Variants in PTPN14 observed in about 807,000 individuals in gnomAD.
The protein encoded by PTPN14 is protein tyrosine phosphatase non-receptor type 14, also known as tyrosine-protein phosphatase non-receptor type 14.
Under a neutral mutation model 126.8 loss-of-function variants are expected in PTPN14, and 53 were observed. The observed-to-expected ratio is 0.42, with a 90% CI of 0.34 to 0.53. The LOEUF is 0.53. Ranked by LOEUF, PTPN14 falls within the 20% of genes least tolerant of loss-of-function variation. The probability of loss-of-function intolerance (pLI) is 0.08; values close to 1 mark genes in which losing one functional copy is unlikely to be tolerated. For missense variants in PTPN14, 1,257 were observed against 1,552.9 expected, an observed-to-expected ratio of 0.81 and a Z score of 3.20; for synonymous variants, 630 against 599.3, an observed-to-expected ratio of 1.05 and a Z score of -0.75.
chr1:214,495,098 T>C (rs1320510838), intron 1 of PTPN14, among the ~76,000 whole-genome samples: 1 of 152,164 alleles, frequency 6.6e-6, no homozygotes, highest in Admixed American at 6.5e-5. Context: ...CTCATTAAGG[T>C]GAAAAAATCT....
rs374045825 is a variant in PTPN14, at chr1:214,383,611, G to C, written c.2244C>G (p.Pro748=). The change falls in exon 13 of 19, where the codon CCC becomes CCG. Residue 748 remains proline, a synonymous_variant. Coordinates refer to ENST00000366956, the MANE Select transcript of PTPN14 (RefSeq NM_005401.5). This position sits in a 1 kb window ranked among gnomAD's most constrained non-coding sequence, Gnocchi z 4.4. The stretch of plus-strand genomic sequence containing the variant: ...TCCTTGGACCGGGGTACTCAGGCGG[G>C]GGCTTGTTGGGGATGCGGGCCAGGG... ...QAALARIPNK[P]PPEYPGPRKS... 24 of 1,613,416 alleles carry C rather than the reference G, an allele frequency of 1.5e-5. No individual in the cohort carries two copies. In the African/African-American group the frequency reaches 3.1e-4, roughly 21 times the overall value.
At chr1:214,503,793 C>T (rs1005517062) in intron 1 of PTPN14, among the ~76,000 whole-genome samples, 3 of 152,184 alleles carry the variant, frequency 2.0e-5, no homozygotes, top group Non-Finnish European at 4.4e-5. Context: ...TGTTTGTATG[C>T]GTTCAGCAGC....
chr1:214,436,324 C>T (rs993523717), intron 3 of PTPN14, among the ~76,000 whole-genome samples: 2 of 152,082 alleles, frequency 1.3e-5, no homozygotes, highest in Non-Finnish European at 2.9e-5. Flanking sequence ...ATGAAATAAT[C>T]TGTACACTAA....
intron 15 of PTPN14, among the ~76,000 whole-genome samples, chr1:214,374,371 G>A (rs766484504): frequency 6.6e-6 from 1 of 152,180 alleles, no homozygotes; most frequent in Admixed American, 6.5e-5. Flanking sequence ...TAGGAGTTTG[G>A]TTTATCCGTG....
At chr1:214,428,110 T>G (rs1413287610) in intron 3 of PTPN14, among the ~76,000 whole-genome samples, 1 of 152,088 alleles carries the variant, frequency 6.6e-6, no homozygotes, top group African/African-American at 2.4e-5. Context: ...GGCTGCTTTG[T>G]AGACACTGGA....
At chr1:214,413,772 G>A (rs531605019) in intron 4 of PTPN14, among the ~76,000 whole-genome samples, 6 of 152,286 alleles carry the variant, frequency 3.9e-5, no homozygotes, top group Admixed American at 1.3e-4. Flanking sequence ...ACGTTCAAGC[G>A]ATTCTCGTGC....
intron 11 of PTPN14, among the ~76,000 whole-genome samples, chr1:214,387,545 G>A (rs1346489683): frequency 2.6e-5 from 4 of 151,928 alleles, no homozygotes; most frequent in South Asian, 2.1e-4. Context: ...TGGGCGTGGC[G>A]ACATGCACCT....
In PTPN14 at chr1:214,386,854, G is replaced by A. The variant is rs1483594265; in HGVS notation, c.1056C>T (p.His352=). The A allele has an allele frequency of 6.2e-7, 1 of 1,600,520 alleles. No individual in the cohort carries two copies. Among genetic ancestry groups the A allele is most frequent in the East Asian group, 2.2e-5 (1 of 44,794 alleles). Residue 352 remains histidine (H), a synonymous_variant, in exon 12 of 19, where the codon CAC becomes CAT. Transcript: ENST00000366956. ...VQCGEHYSET[H]TSQDSIFHGN... is the part of the protein sequence containing the mutation. ...GCAAGCCAGAGTTACCTTGCGAGGT[G>A]TGCGTTTCCGAGTAGTGCTCACCAC...
chr1:214,537,698 T>G (rs1192520879), intron 1 of PTPN14, among the ~76,000 whole-genome samples: 1 of 152,188 alleles, frequency 6.6e-6, no homozygotes, highest in Non-Finnish European at 1.5e-5. Flanking sequence ...TATAACTACT[T>G]TTACTTTCTG....
At chr1:214,393,352 C>G (rs1191494459) in intron 10 of PTPN14, among the ~76,000 whole-genome samples, 1 of 152,178 alleles carries the variant, frequency 6.6e-6, no homozygotes, top group Non-Finnish European at 1.5e-5. Context: ...TCTGAACACA[C>G]TCCACGTCTG....
At chr1:214,366,135 G>A (rs1226873565) in intron 17 of PTPN14, among the ~76,000 whole-genome samples, 2 of 152,062 alleles carry the variant, frequency 1.3e-5, no homozygotes, top group Non-Finnish European at 2.9e-5. Flanking sequence ...CCAAGATCCC[G>A]CCACTGCACC....
At chr1:214,536,788 T>C (rs1040746129) in intron 1 of PTPN14, among the ~76,000 whole-genome samples, 2 of 152,222 alleles carry the variant, frequency 1.3e-5, no homozygotes, top group African/African-American at 4.8e-5. Context: ...TGAAATTATG[T>C]CTACACATGA....
intron 1 of PTPN14, chr1:214,532,740 G>C (rs1401506308): frequency 3.8e-6 from 3 of 786,420 alleles, no homozygotes; most frequent in African/African-American, 3.4e-5. Context: ...GGCTCTGCAA[G>C]GTCACTGATG....
rs755773513 is a variant in PTPN14 at position 214,395,006 on chromosome 1, C to CT, written c.759-21dup. The stretch of plus-strand genomic sequence containing the variant: ...TTCCACCTGGTTAGAAGAAATGTCA[C>CT]TGTGTTTACTCAACAATGTTCCAGG... On this transcript the variant is annotated intron_variant, in intron 8 of 18. Transcript: ENST00000366956. 199 of 1,582,792 alleles carry CT rather than the reference C, an allele frequency of 1.3e-4. No individual in the cohort carries two copies. The African/African-American group carries it at 2.6e-3, about 20-fold the overall frequency.
chr1:214,461,057 G>A (rs1006117720), intron 2 of PTPN14, among the ~76,000 whole-genome samples: 2 of 151,840 alleles, frequency 1.3e-5, no homozygotes, highest in African/African-American at 4.8e-5. Context: ...CGGGGCCAGG[G>A]GTATATGGAA....
At chr1:214,527,894 C>G (rs1655441068) in intron 1 of PTPN14, among the ~76,000 whole-genome samples, 1 of 152,138 alleles carries the variant, frequency 6.6e-6, no homozygotes, top group African/African-American at 2.4e-5. Flanking sequence ...GTAAGATACA[C>G]AGAAAGAAGA....
intron 3 of PTPN14, 93 bp from the exon 4 acceptor site, chr1:214,414,819 G>GGGACAC: frequency 1.0e-6 from 1 of 983,528 alleles, no homozygotes; most frequent in South Asian, 1.3e-5. Flanking sequence ...AAAACCTTGT[G>GGGACAC]TACACAGCAG....
Position 214,353,086 on chromosome 1 carries a change from C to T in PTPN14, c.*4836G>A, listed in dbSNP as rs1234068771. 1 of 152,184 alleles carries T rather than the reference C, an allele frequency of 6.6e-6. No individual in the cohort carries two copies. The highest frequency in any genetic ancestry group is 2.4e-5 in the African/African-American group (1 of 41,420). The allele number at this position is 152,184 out of a possible 1,614,324, so 9.4% of individuals were successfully genotyped here. ...ACATCCTAGAATGCCCTGTACCCTC[C>T]ATCCCCCCAACCCCCGCACCTCAAG... On this transcript the variant is annotated 3_prime_UTR_variant, in exon 19 of 19. Transcript: ENST00000366956.
In PTPN14 at chr1:214,354,855, T is replaced by C. The variant is rs1657780241; in HGVS notation, c.*3067A>G. ...CTCCAGCTTCAGACTTGATACATCA[T>C]CAGGAAATCATTCCAAAAGCTCTAA... is the stretch of plus-strand genomic sequence containing the variant. On this transcript the variant is annotated 3_prime_UTR_variant, in exon 19 of 19. Coordinates refer to ENST00000366956, the MANE Select transcript of PTPN14 (RefSeq NM_005401.5). The C allele has an allele frequency of 1.3e-5, 2 of 152,218 alleles. No individual in the cohort carries two copies. Among genetic ancestry groups the C allele is most frequent in the South Asian group, 4.1e-4 (2 of 4,838 alleles). 9.4% of individuals were successfully genotyped at this position (152,218 alleles called of 1,614,324 possible). A position where few individuals can be genotyped will look rare whatever the true frequency, so the allele number is the denominator to read the frequency against.
Sources: gnomAD v4.1 joint callset for allele counts (sites outside exome capture counted in the v4.1 genomes callset) on GRCh38, gnomAD v4.1.1 for gene constraint, Gnocchi (gnomAD v3.1) non-coding constraint, MANE v1.5 for transcripts, NCBI Gene and HGNC (gene_info 2026-07-23, HGNC 2026-07-21) for gene names.